The following AGMO variants were observed in gnomAD, a reference collection of about 807,000 sequenced individuals.
AGMO encodes glyceryl-ether monooxygenase.
Under a neutral mutation model 60.2 loss-of-function variants are expected in AGMO, and 75 were observed. That is an observed-to-expected ratio of 1.25 (90% CI 1.03 to 1.51). The LOEUF (loss-of-function observed/expected upper bound fraction) is 1.51. Ranked by LOEUF, AGMO falls within the 40% of genes most tolerant of loss-of-function variation. AGMO has a pLI of 0.00. For missense variants in AGMO, 763 were observed against 525.5 expected (o/e 1.45, Z -4.42); for synonymous variants, 261 against 177.1 (o/e 1.47, Z -3.76).
At chr7:15,311,320 G>A (rs1780764543) in intron 12 of AGMO, among the ~76,000 whole-genome samples, 1 of 152,010 alleles carries the variant, frequency 6.6e-6, no homozygotes, top group African/African-American at 2.4e-5. Context: ...TGACATTTTT[G>A]ACATTTTCAC....
At chr7:15,446,467 G>T (rs1001575822) in intron 3 of AGMO, among the ~76,000 whole-genome samples, 13 of 152,136 alleles carry the variant, frequency 8.5e-5, no homozygotes, top group African/African-American at 2.7e-4. Context: ...TGTCACATTT[G>T]ACGCTGCACA....
rs114126714 is a variant in AGMO at position 15,353,051 on chromosome 7, C to G, written c.1263+12463G>C. 5.0e-3 allele frequency among the ~76,000 whole-genome samples: 763 copies of G among 152,106 alleles called. 8 individuals are homozygous for G. The highest frequency in any genetic ancestry group is 0.017 in the African/African-American group (718 of 41,474). On this transcript the variant is annotated intron_variant, in intron 12 of 12. Coordinates refer to ENST00000342526, the MANE Select transcript of AGMO (RefSeq NM_001004320.2). ...GACGAAAGGAGGTGAAACGCAGGCC[C>G]TTTGTTATTTCAAATGTAGGACAGG...
In AGMO at chr7:15,418,566, G is replaced by A. The variant is rs1313433182; in HGVS notation, c.601C>T (p.His201Tyr). 1 of 1,586,434 alleles carries A rather than the reference G, an allele frequency of 6.3e-7. No individual in the cohort carries two copies. The highest frequency in any genetic ancestry group is 8.6e-7 in the Non-Finnish European group (1 of 1,166,080). ...ATAAAAAAAAGTTTTACCTCTGTAT[G>A]GATCCAAAATTGGTAAAGAAGATTG... ...QFNLLYQFWIHTEVINNLGPL... is the reference protein window; with the variant it reads ...QFNLLYQFWIYTEVINNLGPL... Residue 201 changes from histidine to tyrosine, a missense_variant, in exon 5 of 13, where the codon CAT becomes TAT. Coordinates refer to ENST00000342526, the MANE Select transcript of AGMO (RefSeq NM_001004320.2).
intron 12 of AGMO, among the ~76,000 whole-genome samples, chr7:15,250,556 AAC>A (rs35821350): frequency 0.65 from 96,948 of 149,340 alleles, 33,521 homozygotes; most frequent in East Asian, 0.94. Context: ...ACACACACTA[AAC>A]ACACACACAC....
At chr7:15,322,540 A>G (rs1274543639) in intron 12 of AGMO, among the ~76,000 whole-genome samples, 4 of 62,572 alleles carry the variant, frequency 6.4e-5, no homozygotes, top group African/African-American at 3.3e-4. Flanking sequence ...ATATAAATAT[A>G]TATATAAATA....
At chr7:15,325,915 A>C (rs139698489) in intron 12 of AGMO, among the ~76,000 whole-genome samples, 1 of 152,080 alleles carries the variant, frequency 6.6e-6, no homozygotes. Flanking sequence ...AAGAAGAGGA[A>C]GAAGACGGAG....
chr7:15,516,496 T>G (rs983844853), intron 3 of AGMO, among the ~76,000 whole-genome samples: 1 of 152,166 alleles, frequency 6.6e-6, no homozygotes, highest in Non-Finnish European at 1.5e-5. Context: ...TTAAATGGTT[T>G]AAAAAGATGA....
chr7:15,560,959 A>C (rs1785286619), intron 1 of AGMO, among the ~76,000 whole-genome samples: 1 of 152,200 alleles, frequency 6.6e-6, no homozygotes, highest in African/African-American at 2.4e-5. Context: ...AAAACTCAGA[A>C]AGAAAGTGTA....
At chr7:15,269,540 G>T (rs1398102168) in intron 12 of AGMO, among the ~76,000 whole-genome samples, 1 of 152,030 alleles carries the variant, frequency 6.6e-6, no homozygotes, top group Admixed American at 6.6e-5. Flanking sequence ...TCCAGAGATG[G>T]GGGTAGTTAT....
At chr7:15,203,402 A>G (rs1235352357) in intron 12 of AGMO, among the ~76,000 whole-genome samples, 1 of 152,154 alleles carries the variant, frequency 6.6e-6, no homozygotes, top group East Asian at 1.9e-4. Flanking sequence ...TAAGTAAATC[A>G]CAAAAATCTT....
intron 5 of AGMO, among the ~76,000 whole-genome samples, chr7:15,395,633 C>A (rs1784342051): frequency 1.3e-5 from 2 of 152,030 alleles, no homozygotes; most frequent in African/African-American, 2.4e-5. Context: ...ACAACTGATG[C>A]AAATTAATCA....
At chr7:15,328,162 AT>A (rs1415730966) in intron 12 of AGMO, among the ~76,000 whole-genome samples, 1 of 151,548 alleles carries the variant, frequency 6.6e-6, no homozygotes, top group East Asian at 1.9e-4. Context: ...CAATGGCACA[AT>A]TTTGTCTCAC....
At chr7:15,163,173 G>A in the AGMO span, among the ~76,000 whole-genome samples, 1 of 152,108 alleles carries the variant, frequency 6.6e-6, no homozygotes, top group Non-Finnish European at 1.5e-5. Flanking sequence ...CATTGATTTT[G>A]TATCCTGAAA....
At chr7:15,516,358 C>T (rs1204446653) in intron 3 of AGMO, among the ~76,000 whole-genome samples, 1 of 152,080 alleles carries the variant, frequency 6.6e-6, no homozygotes, top group African/African-American at 2.4e-5. Flanking sequence ...GAATTCATCA[C>T]AAATGTTCAT....
chr7:15,462,262 T>C (rs961762148), intron 3 of AGMO, among the ~76,000 whole-genome samples: 1 of 152,054 alleles, frequency 6.6e-6, no homozygotes, highest in Non-Finnish European at 1.5e-5. Context: ...CAGTTGAGAG[T>C]GATATAAAAT....
At chr7:15,266,493 G>C (rs1051220071) in intron 12 of AGMO, among the ~76,000 whole-genome samples, 1 of 151,902 alleles carries the variant, frequency 6.6e-6, no homozygotes, top group African/African-American at 2.4e-5. Context: ...AAATGAAAGT[G>C]TTTCCCCCTG....
rs761907332 is a variant in AGMO at position 15,366,104 on chromosome 7, TA to T, written c.1157+35del. On this transcript the variant is annotated intron_variant, in intron 11 of 12. Transcript: ENST00000342526. ...CTCTGTGGAAAATTCTTGAATTGAG[TA>T]AAAGTAAAAACAATGCAAGAATTTC... 4.0e-6 allele frequency: 6 copies of T among 1,517,482 alleles called. No homozygotes were observed. The Admixed American group carries it at 5.4e-5, about 14-fold the overall frequency. 94.0% of individuals were successfully genotyped at this position (1,517,482 alleles called of 1,614,324 possible). A position where few individuals can be genotyped will look rare whatever the true frequency, so the allele number is the denominator to read the frequency against.
At chr7:15,281,838 G>A (rs901974869) in intron 12 of AGMO, among the ~76,000 whole-genome samples, 2 of 151,912 alleles carry the variant, frequency 1.3e-5, no homozygotes, top group African/African-American at 4.8e-5. Flanking sequence ...AATGAGATAA[G>A]CCTCAAGAAA....
chr7:15,360,438 A>T (rs2128559000), intron 12 of AGMO, among the ~76,000 whole-genome samples: 1 of 152,336 alleles, frequency 6.6e-6, no homozygotes, highest in South Asian at 2.1e-4. Flanking sequence ...CAGACGATTA[A>T]CACATATTCT....
Sources: allele counts gnomAD v4.1 joint callset (sites outside exome capture counted in the v4.1 genomes callset), GRCh38; gene constraint gnomAD v4.1.1; transcripts MANE v1.5; gene names NCBI Gene and HGNC (gene_info 2026-07-23, HGNC 2026-07-21).